The following CEP164 variants were observed in gnomAD, a reference collection of about 807,000 sequenced individuals.
The protein encoded by CEP164 is centrosomal protein 164.
CEP164 carries 162 observed loss-of-function variants against 182.7 expected under a neutral mutation model. The ratio of observed to expected loss-of-function variants is 0.89; its 90% CI spans 0.78 to 1.01. The LOEUF (loss-of-function observed/expected upper bound fraction) is 1.01, where lower values mean the gene tolerates loss of function less well. Ranked by LOEUF, CEP164 falls within the 50% of genes least tolerant of loss-of-function variation. CEP164 has a pLI of 0.00. For missense variants in CEP164, 1,735 were observed against 1,790.4 expected (o/e 0.97, Z 0.56); for synonymous variants, 661 against 690.0 (o/e 0.96, Z 0.66).
Position 117,394,499 on chromosome 11 carries a change from G to A in CEP164, c.2760+6G>A. ...GGCGCCGGCACAGGGAGCAGGTGAG[G>A]GGCCTGGGGCAGGGTGAGCCCACTG... On this transcript the variant is annotated splice_donor_region_variant and intron_variant, in intron 21 of 32. Coordinates refer to ENST00000278935, the MANE Select transcript of CEP164 (RefSeq NM_014956.5). This position sits in a 1 kb window ranked among gnomAD's most constrained non-coding sequence, Gnocchi z 4.0. The A allele has an allele frequency of 1.9e-6, 3 of 1,613,298 alleles. No individual in the cohort carries two copies. Among genetic ancestry groups the A allele is most frequent in the Non-Finnish European group, 2.5e-6 (3 of 1,179,920 alleles).
At chr11:117,330,639 T>C (rs1286588361) in intron 1 of CEP164, among the ~76,000 whole-genome samples, 1 of 149,800 alleles carries the variant, frequency 6.7e-6, no homozygotes, top group South Asian at 2.1e-4. Context: ...ACAAGAATGA[T>C]ACTCTGTCTC....
intron 26 of CEP164, 104 bp from the exon 27 acceptor site, chr11:117,396,987 T>A (rs767262957): frequency 9.7e-7 from 1 of 1,027,604 alleles, no homozygotes; most frequent in Non-Finnish European, 1.4e-6. Flanking sequence ...GCCCAGCAGC[T>A]CTGGTCTGTG....
chr11:117,369,258 G>C (rs1394317684), intron 8 of CEP164, among the ~76,000 whole-genome samples: 6 of 152,232 alleles, frequency 3.9e-5, no homozygotes, highest in Non-Finnish European at 5.9e-5. Context: ...CACTTGATGA[G>C]TGCTAATTCG....
intron 5 of CEP164, among the ~76,000 whole-genome samples, chr11:117,360,804 C>T (rs1184342893): frequency 6.6e-6 from 1 of 152,196 alleles, no homozygotes; most frequent in Non-Finnish European, 1.5e-5. Flanking sequence ...GTGGTGTTTA[C>T]ATCCATCTTT....
rs1474073444 is a variant in CEP164 at position 117,353,517 on chromosome 11, G to C, written c.393+1529G>C. 2.0e-5 allele frequency among the ~76,000 whole-genome samples: 3 copies of C among 152,198 alleles called. No individual in the cohort carries two copies. In the East Asian group the frequency reaches 5.8e-4, roughly 29 times the overall value. ...AAGGCAGGAGACGGAATGAAGTGAG[G>C]GTTCTGGGGTGGAGAGCTGGGTAAA... On this transcript the variant is annotated intron_variant, in intron 5 of 32. Coordinates refer to ENST00000278935, the MANE Select transcript of CEP164 (RefSeq NM_014956.5).
chr11:117,328,803 TGTA>T (rs2035734011), intron 1 of CEP164, among the ~76,000 whole-genome samples: 1 of 152,180 alleles, frequency 6.6e-6, no homozygotes, highest in Non-Finnish European at 1.5e-5. Flanking sequence ...TTCTAGGCAG[TGTA>T]GTAGGTGGGG....
intron 3 of CEP164, among the ~76,000 whole-genome samples, chr11:117,342,129 T>C (rs2135185260): frequency 6.6e-6 from 1 of 152,332 alleles, no homozygotes; most frequent in South Asian, 2.1e-4. Context: ...GCTGTCTCTT[T>C]TACTAGAATG....
In CEP164 at chr11:117,396,087, C is replaced by A. The variant is rs2045419228; in HGVS notation, c.3123C>A (p.His1041Gln). 6.2e-7 allele frequency: 1 copy of A among 1,614,064 alleles called. No homozygotes were observed. Among genetic ancestry groups the A allele is most frequent in the Admixed American group, 1.7e-5 (1 of 60,006 alleles). ...AGGCTGAAGCTCAAAAGAAGCAGCA[C>A]CTGTTGAGAGAAGTGACAGTTGAGG... ...SLEAEAQKKQ[H>Q]LLREVTVEEN... The change falls in exon 25 of 33, where the codon CAC becomes CAA. Residue 1041 changes from histidine (H) to glutamine (Q), a missense_variant. Physicochemically the swap from His to Gln is conservative, Grantham distance 24 (BLOSUM62 0). Transcript: ENST00000278935.
chr11:117,411,465 C>T lies in CEP164; in HGVS notation c.4164-330C>T. The T allele has an allele frequency of 3.1e-6, 1 of 322,366 alleles. No individual in the cohort carries two copies. The highest frequency in any genetic ancestry group is 3.7e-5 in the South Asian group (1 of 27,222). The allele number at this position is 322,366 out of a possible 1,614,324, so 20.0% of individuals were successfully genotyped here. On this transcript the variant is annotated intron_variant, in intron 31 of 32. Coordinates refer to ENST00000278935, the MANE Select transcript of CEP164 (RefSeq NM_014956.5). This position sits in a 1 kb window ranked among gnomAD's most constrained non-coding sequence, Gnocchi z 4.4. ...GAGTACCCCCCACTAACCCTTTGGC[C>T]AACTTGAGAGCTGATGCTGGCCAAG...
In CEP164 at chr11:117,411,154, G is replaced by T; in HGVS notation, c.4163+260G>T. The T allele has an allele frequency of 2.2e-6, 1 of 446,980 alleles. No homozygotes were observed. Among genetic ancestry groups the T allele is most frequent in the East Asian group, 3.7e-5 (1 of 26,798 alleles). The allele number at this position is 446,980 out of a possible 1,614,324, so 27.7% of individuals were successfully genotyped here. A position where few individuals can be genotyped will look rare whatever the true frequency, so the allele number is the denominator to read the frequency against. On this transcript the variant is annotated intron_variant, in intron 31 of 32. Coordinates refer to ENST00000278935, the MANE Select transcript of CEP164 (RefSeq NM_014956.5). This position sits in a 1 kb window ranked among gnomAD's most constrained non-coding sequence, Gnocchi z 4.4. ...ACCCTGCCAACCCCCTGAGGAAGCTGCCCTCTGGCCCCTGTGGGGAGGAGT... is the reference window on the plus strand; with the variant it reads ...ACCCTGCCAACCCCCTGAGGAAGCTTCCCTCTGGCCCCTGTGGGGAGGAGT...
intron 1 of CEP164, among the ~76,000 whole-genome samples, chr11:117,331,291 G>A (rs1358736111): frequency 2.6e-5 from 4 of 152,212 alleles, no homozygotes; most frequent in African/African-American, 9.7e-5. Context: ...CCCCAGATGA[G>A]CAGAAGGCAG....
At chr11:117,374,396 T>A (rs564018726) in intron 10 of CEP164, among the ~76,000 whole-genome samples, 1 of 152,272 alleles carries the variant, frequency 6.6e-6, no homozygotes, top group Admixed American at 6.5e-5. Flanking sequence ...TTCAGGGTGC[T>A]TTTTGGCAGA....
chr11:117,346,375 C>T (rs2038896527), intron 4 of CEP164, among the ~76,000 whole-genome samples: 1 of 152,016 alleles, frequency 6.6e-6, no homozygotes, highest in Admixed American at 6.6e-5. Flanking sequence ...GCCTCTGCCT[C>T]AGCCTCCTGA....
chr11:117,409,207 G>A lies in CEP164; in HGVS notation c.3748+179G>A, dbSNP rs2047043606. On this transcript the variant is annotated intron_variant, in intron 29 of 32. Transcript: ENST00000278935. The surrounding 1 kb of genome is among the most constrained non-coding windows in gnomAD (Gnocchi z 4.4). ...TCACACCATCTAGGTTTGCCAGCAC[G>A]TGGGGCTGAAAGGTCAGGGAAGCCC... is the stretch of plus-strand genomic sequence containing the variant. 7.3e-6 allele frequency: 6 copies of A among 822,900 alleles called. No homozygotes were observed. Among genetic ancestry groups the A allele is most frequent in the Admixed American group, 5.4e-5 (2 of 36,914 alleles). The allele number at this position is 822,900 out of a possible 1,614,324, so 51.0% of individuals were successfully genotyped here. A position where few individuals can be genotyped will look rare whatever the true frequency, so the allele number is the denominator to read the frequency against.
At position 117,412,200 on chromosome 11, in the gene CEP164, C is replaced by G. The variant is rs1199505906; in HGVS notation, c.*32C>G. 1.9e-6 allele frequency: 3 copies of G among 1,591,164 alleles called. No individual in the cohort carries two copies. On this transcript the variant is annotated 3_prime_UTR_variant, in exon 33 of 33. Coordinates refer to ENST00000278935, the MANE Select transcript of CEP164 (RefSeq NM_014956.5). ...GAGCAGGGGCTTGGGGCAGCCCAGC[C>G]TCTCCTCCACCCAGACCAAGTGCCT...
rs748810265 is a variant in CEP164, at chr11:117,409,896, A to G, written c.4027A>G (p.Arg1343Gly). The G allele has an allele frequency of 3.1e-6, 5 of 1,602,548 alleles. No homozygotes were observed. Among genetic ancestry groups the G allele is most frequent in the Middle Eastern group, 1.7e-4 (1 of 6,012 alleles). ...QWAWDSGQGPRLPSSVAQTVD... is the reference protein window; with the variant it reads ...QWAWDSGQGPGLPSSVAQTVD... ...GGCCTGGGATTCAGGGCAGGGGCCC[A>G]GGCTCCCCTCCTCTGTGGCTCAAAC... Residue 1343 changes from arginine (R) to glycine (G), a missense_variant, in exon 30 of 33, where the codon AGG (arginine) becomes GGG (glycine). Physicochemically the swap from Arg to Gly is moderately radical, Grantham distance 125 (BLOSUM62 -2). Coordinates refer to ENST00000278935, the MANE Select transcript of CEP164 (RefSeq NM_014956.5). The surrounding 1 kb of genome is among the most constrained non-coding windows in gnomAD (Gnocchi z 4.4).
intron 27 of CEP164, among the ~76,000 whole-genome samples, chr11:117,402,297 C>T (rs948438434): frequency 6.6e-6 from 1 of 150,896 alleles, no homozygotes; most frequent in Non-Finnish European, 1.5e-5. Context: ...TCTTGGCTCA[C>T]GCAAACTCTG....
intron 4 of CEP164, among the ~76,000 whole-genome samples, chr11:117,350,379 A>G (rs2039474187): frequency 6.6e-6 from 1 of 151,760 alleles, no homozygotes; most frequent in Admixed American, 6.6e-5. Flanking sequence ...AATTTTTTTT[A>G]TTTCTTGTAG....
intron 24 of CEP164, 120 bp from the exon 25 acceptor site, chr11:117,395,934 G>C: frequency 7.0e-7 from 1 of 1,426,544 alleles, no homozygotes; most frequent in Non-Finnish European, 9.6e-7. Context: ...TCGTGCCTGA[G>C]CCCTTCCTCA....
Sources: gnomAD v4.1 joint callset for allele counts (sites outside exome capture counted in the v4.1 genomes callset) on GRCh38, gnomAD v4.1.1 for gene constraint, Gnocchi (gnomAD v3.1) non-coding constraint, MANE v1.5 for transcripts, NCBI Gene and HGNC (gene_info 2026-07-23, HGNC 2026-07-21) for gene names.